The following TMEM132D variants were observed in gnomAD, a reference collection of about 807,000 sequenced individuals.
TMEM132D encodes the protein mature OL transmembrane protein.
Under a neutral mutation model 62.3 loss-of-function variants are expected in TMEM132D, and 21 were observed. That is an observed-to-expected ratio of 0.34 (90% CI 0.24 to 0.49). TMEM132D has a LOEUF of 0.49. Among genes scored for constraint, TMEM132D ranks in the 20% least tolerant of loss-of-function variants. The pLI, the probability that TMEM132D is intolerant of heterozygous loss-of-function variation, is 0.99. For missense variants in TMEM132D, 1,346 were observed against 1,402.8 expected (o/e 0.96, Z 0.65); for synonymous variants, 621 against 575.6 (o/e 1.08, Z -1.13).
chr12:129,637,849 C>A (rs908280964), intron 2 of TMEM132D, among the ~76,000 whole-genome samples: 1 of 152,048 alleles, frequency 6.6e-6, no homozygotes, highest in African/African-American at 2.4e-5. Context: ...TACTTTTAAA[C>A]CACCAGATCT....
At chr12:129,674,032 T>C (rs1362650180) in intron 2 of TMEM132D, among the ~76,000 whole-genome samples, 8 of 152,202 alleles carry the variant, frequency 5.3e-5, no homozygotes, top group Non-Finnish European at 1.0e-4. Flanking sequence ...ACATGAAGAC[T>C]GAAATCAGTG....
chr12:129,570,312 G>GTAGT (rs1877476766), intron 2 of TMEM132D, among the ~76,000 whole-genome samples: 3 of 152,218 alleles, frequency 2.0e-5, no homozygotes, highest in Non-Finnish European at 2.9e-5. Flanking sequence ...GTCCCAAGAT[G>GTAGT]TCCACTGTAG....
At chr12:129,727,623 G>C (rs11835798) in intron 1 of TMEM132D, among the ~76,000 whole-genome samples, 20,341 of 152,130 alleles carry the variant, frequency 0.13, 1,491 homozygotes, top group South Asian at 0.25. Context: ...CTGGAAAGAA[G>C]AGTGGGTCTC....
chr12:129,518,839 G>A (rs1164100951), intron 3 of TMEM132D, among the ~76,000 whole-genome samples: 2 of 152,034 alleles, frequency 1.3e-5, no homozygotes, highest in South Asian at 2.1e-4. Flanking sequence ...TGTGAACACC[G>A]TGCTTAGGTA....
chr12:129,431,047 C>T (rs1456525760), intron 3 of TMEM132D, among the ~76,000 whole-genome samples: 1 of 152,198 alleles, frequency 6.6e-6, no homozygotes, highest in East Asian at 1.9e-4. Flanking sequence ...GAAATTCAGA[C>T]TTGTGTTCTC....
intron 8 of TMEM132D, among the ~76,000 whole-genome samples, chr12:129,076,534 C>T (rs1874263160): frequency 6.6e-6 from 1 of 152,140 alleles, no homozygotes; most frequent in African/African-American, 2.4e-5. Context: ...CTCTTTCCTT[C>T]AGCTCAGCCA....
At chr12:129,580,043 G>A (rs1877798377) in intron 2 of TMEM132D, among the ~76,000 whole-genome samples, 1 of 152,138 alleles carries the variant, frequency 6.6e-6, no homozygotes, top group Non-Finnish European at 1.5e-5. Flanking sequence ...AGAGGTAAGT[G>A]GCTACTTGGC....
chr12:129,510,789 A>G (rs925648767), intron 3 of TMEM132D, among the ~76,000 whole-genome samples: 1 of 152,104 alleles, frequency 6.6e-6, no homozygotes, highest in Non-Finnish European at 1.5e-5. Flanking sequence ...TTTCAGCACA[A>G]TCTACTGAAG....
At position 129,269,148 on chromosome 12, in the gene TMEM132D, C is replaced by A. The variant is rs577767803; in HGVS notation, c.1300-59485G>T. 6.6e-5 allele frequency among the ~76,000 whole-genome samples: 10 copies of A among 152,108 alleles called. No homozygotes were observed. In the East Asian group the frequency reaches 9.7e-4, roughly 15 times the overall value. On this transcript the variant is annotated intron_variant, in intron 4 of 8. Coordinates refer to ENST00000422113, the MANE Select transcript of TMEM132D (RefSeq NM_133448.3). ...ACAGACCTGCACGTTGTGCACATGT[C>A]CCCTAGAACTTAAAGTATAATAAAT...
chr12:129,524,031 T>C (rs1361284744), intron 3 of TMEM132D, among the ~76,000 whole-genome samples: 6 of 151,024 alleles, frequency 4.0e-5, no homozygotes, highest in Admixed American at 2.6e-4. Flanking sequence ...CTTTGAACAA[T>C]GAGAACACAT....
chr12:129,617,236 G>A (rs1442297011), intron 2 of TMEM132D, among the ~76,000 whole-genome samples: 1 of 152,176 alleles, frequency 6.6e-6, no homozygotes, highest in African/African-American at 2.4e-5. Flanking sequence ...TGCTTACAAA[G>A]GTTAATGGAA....
At chr12:129,611,344 G>A (rs1878769524) in intron 2 of TMEM132D, among the ~76,000 whole-genome samples, 1 of 152,184 alleles carries the variant, frequency 6.6e-6, no homozygotes, top group Non-Finnish European at 1.5e-5. Flanking sequence ...CAGTTTGCAT[G>A]CGGATTCTGT....
intron 1 of TMEM132D, among the ~76,000 whole-genome samples, chr12:129,758,680 C>T (rs1051180537): frequency 6.6e-6 from 1 of 152,170 alleles, no homozygotes; most frequent in Non-Finnish European, 1.5e-5. Context: ...AGCTTCTGTA[C>T]TTGTTTAAAA....
chr12:129,167,314 G>A (rs900990387), intron 5 of TMEM132D, among the ~76,000 whole-genome samples: 4 of 152,208 alleles, frequency 2.6e-5, no homozygotes, highest in Admixed American at 6.5e-5. Flanking sequence ...CAGGAACCAG[G>A]GGCCCACTTT....
intron 5 of TMEM132D, among the ~76,000 whole-genome samples, chr12:129,097,768 T>C (rs1270616451): frequency 6.6e-6 from 1 of 152,246 alleles, no homozygotes; most frequent in African/African-American, 2.4e-5. Context: ...GACAGAACTT[T>C]TCCTCCCTTT....
intron 4 of TMEM132D, among the ~76,000 whole-genome samples, chr12:129,228,463 AC>A (rs1879543117): frequency 6.6e-6 from 1 of 152,168 alleles, no homozygotes; most frequent in Non-Finnish European, 1.5e-5. Context: ...CAATTTTTGA[AC>A]ATTTTTATTG....
chr12:129,830,519 C>A (rs79117493), intron 1 of TMEM132D, among the ~76,000 whole-genome samples: 3,256 of 152,214 alleles, frequency 0.021, 124 homozygotes, highest in African/African-American at 0.075. Flanking sequence ...CTACCTGTAA[C>A]CTGGAAGCCC....
intron 3 of TMEM132D, among the ~76,000 whole-genome samples, chr12:129,339,807 T>G (rs1382512800): frequency 1.3e-5 from 2 of 152,180 alleles, no homozygotes; most frequent in Non-Finnish European, 2.9e-5. Context: ...AGAAAGGAAT[T>G]TATATAACAG....
intron 4 of TMEM132D, among the ~76,000 whole-genome samples, chr12:129,306,636 GA>G (rs2135631672): frequency 6.6e-6 from 1 of 152,310 alleles, no homozygotes; most frequent in African/African-American, 2.4e-5. Flanking sequence ...TGTGGCAAAT[GA>G]TCATTATTTA....
Sources: allele counts gnomAD v4.1 joint callset (sites outside exome capture counted in the v4.1 genomes callset), GRCh38; gene constraint gnomAD v4.1.1; transcripts MANE v1.5; gene names NCBI Gene and HGNC (gene_info 2026-07-23, HGNC 2026-07-21).